Variants in ATN1 observed in about 807,000 individuals in gnomAD.
The protein encoded by ATN1 is atrophin 1.
A neutral mutation model predicts 85.8 loss-of-function variants in ATN1; 19 were observed. The ratio of observed to expected loss-of-function variants is 0.22; its 90% CI spans 0.15 to 0.32. The LOEUF is 0.32. Among genes scored for constraint, ATN1 ranks in the 10% least tolerant of loss-of-function variants. The pLI, the probability that ATN1 is intolerant of heterozygous loss-of-function variation, is 1.00. For missense variants in ATN1, 1,453 were observed against 1,564.5 expected (o/e 0.93, Z 1.20); for synonymous variants, 674 against 657.0 (o/e 1.03, Z -0.39).
At chr12:6,927,664 C>A (rs376254419), upstream of ATN1, among the ~76,000 whole-genome samples, 6 of 151,882 alleles carry the variant, frequency 4.0e-5, no homozygotes, top group African/African-American at 2.4e-5. Flanking sequence ...CTCTCTCCCC[C>A]CTCGCGGCTT....
At chr12:6,925,125 T>TGCGTGTGC (rs1555142465), upstream of ATN1, among the ~76,000 whole-genome samples, 300 of 146,284 alleles carry the variant, frequency 2.1e-3, 2 homozygotes, top group African/African-American at 7.9e-3. Flanking sequence ...TGCGTGTGTG[T>TGCGTGTGC]GTGTGTGTGT....
rs1945599919 is a variant in ATN1, at chr12:6,939,165, G to T, written c.3202G>T (p.Ala1068Ser). The T allele has an allele frequency of 6.3e-7, 1 of 1,597,878 alleles. No homozygotes were observed. The highest frequency in any genetic ancestry group is 8.5e-7 in the Non-Finnish European group (1 of 1,178,628). Reference protein sequence around the residue: ...HSHLHLHQQDAIHAASASVHP... With the variant: ...HSHLHLHQQDSIHAASASVHP... ...GCACCTGCACCTGCACCAGCAAGAT[G>T]CTATCCATGCAGGTGAGACCCCTCC... Residue 1068 changes from alanine (A) to serine (S), a missense_variant, in exon 7 of 10, where the codon GCT (alanine) becomes TCT (serine). This residue lies in a region of ATN1 where 118 missense variants were observed against 163.7 expected (regional missense o/e 0.72). Coordinates refer to ENST00000396684, the MANE Select transcript of ATN1 (RefSeq NM_001940.4).
At position 6,938,719 on chromosome 12, in the gene ATN1, A is replaced by G. The variant is rs782748639; in HGVS notation, c.2756A>G (p.Asn919Ser). Residue 919 changes from asparagine (N) to serine (S), a missense_variant, in exon 7 of 10, where the codon AAT becomes AGT. Asn to Ser is a conservative substitution (Grantham distance 46). Coordinates refer to ENST00000396684, the MANE Select transcript of ATN1 (RefSeq NM_001940.4). ...GAVDPGLLGY[N>S]VPALYSSDPA... ...GTGGACCCGGGGCTCCTGGGTTACA[A>G]TGTCCCGGCCCTGTACAGCAGTGAT... The G allele has an allele frequency of 8.1e-6, 13 of 1,613,900 alleles. No individual in the cohort carries two copies. The highest frequency in any genetic ancestry group is 5.5e-5 in the South Asian group (5 of 91,088).
In ATN1 at chr12:6,941,304, G is replaced by A. The variant is rs1403622461; in HGVS notation, c.3359-70G>A. On this transcript the variant is annotated intron_variant, in intron 8 of 9. Transcript: ENST00000396684. The surrounding 1 kb of genome is among the most constrained non-coding windows in gnomAD (Gnocchi z 5.9). ...ATTACCTTTGTATGTAAAGGAGCTG[G>A]CTATCCCCTGGTCCAGAGCAGGTAC... 2 of 1,501,388 alleles carry A rather than the reference G, an allele frequency of 1.3e-6. No individual in the cohort carries two copies. The highest frequency in any genetic ancestry group is 1.8e-6 in the Non-Finnish European group (2 of 1,117,268). The allele number at this position is 1,501,388 out of a possible 1,614,324, so 93.0% of individuals were successfully genotyped here.
intron 1 of ATN1, among the ~76,000 whole-genome samples, chr12:6,932,669 C>T (rs1444978323): frequency 6.6e-6 from 1 of 152,184 alleles, no homozygotes; most frequent in Non-Finnish European, 1.5e-5. Context: ...GTTGTTTGCT[C>T]ACGGATATTT....
chr12:6,927,402 C>A (rs1360984350), upstream of ATN1, among the ~76,000 whole-genome samples: 7 of 151,934 alleles, frequency 4.6e-5, no homozygotes, highest in African/African-American at 1.7e-4. Context: ...CCAATCCAAT[C>A]CCATTATCCC....
Position 6,937,974 on chromosome 12 carries a change from G to T in ATN1, c.2424G>T (p.Glu808Asp). Reference sequence around the variant, plus strand: ...TGGAGAAGGTGCGGCGCGAGGCCGAGCAGCGCGCGCGCGAAGAAAAGGAGC... The same window carrying T: ...TGGAGAAGGTGCGGCGCGAGGCCGATCAGCGCGCGCGCGAAGAAAAGGAGC... Reference protein sequence around the residue: ...DLVEKVRREAEQRAREEKERE... With the variant: ...DLVEKVRREADQRAREEKERE... The change falls in exon 6 of 10, where the codon GAG becomes GAT. Residue 808 changes from glutamate (E) to aspartate (D), a missense_variant. Physicochemically the swap from Glu to Asp is conservative, Grantham distance 45. Coordinates refer to ENST00000396684, the MANE Select transcript of ATN1 (RefSeq NM_001940.4). The surrounding 1 kb of genome is among the most constrained non-coding windows in gnomAD (Gnocchi z 6.0). The T allele has an allele frequency of 6.4e-7, 1 of 1,555,722 alleles. No individual in the cohort carries two copies. The highest frequency in any genetic ancestry group is 1.4e-5 in the African/African-American group (1 of 73,234).
chr12:6,929,359 T>C (rs1296078719), intron 1 of ATN1, among the ~76,000 whole-genome samples: 1 of 152,158 alleles, frequency 6.6e-6, no homozygotes, highest in Non-Finnish European at 1.5e-5. Flanking sequence ...TCTCCCTTTG[T>C]GCATGGGCTT....
Position 6,936,507 on chromosome 12 carries a change from C to T in ATN1, c.1240C>T (p.Pro414Ser). 1 of 1,580,750 alleles carries T rather than the reference C, an allele frequency of 6.3e-7. No homozygotes were observed. Among genetic ancestry groups the T allele is most frequent in the Non-Finnish European group, 8.6e-7 (1 of 1,162,696 alleles). The part of the protein sequence containing the change: ...ALPSYPHSFP[P>S]PTSLSVSNQP... ...GCCCAGCTACCCCCACTCTTTCCCT[C>T]CCCCAACAAGCCTCTCTGTCTCCAA... Residue 414 changes from proline (P) to serine (S), a missense_variant, in exon 5 of 10, where the codon CCC becomes TCC. By Grantham distance (74) the Pro-to-Ser change is moderately conservative. Around this residue, in one of 6 missense-constraint regions of ATN1, gnomAD observed 990 missense variants for 914.8 expected, o/e 1.08. Coordinates refer to ENST00000396684, the MANE Select transcript of ATN1 (RefSeq NM_001940.4).
rs782097731 is a variant in ATN1, at chr12:6,938,961, C to G, written c.2998C>G (p.Arg1000Gly). 2.5e-6 allele frequency: 4 copies of G among 1,613,728 alleles called. No homozygotes were observed. In the Admixed American group the frequency reaches 5.0e-5, roughly 20 times the overall value. The change falls in exon 7 of 10, where the codon CGA (arginine) becomes GGA (glycine). Residue 1000 changes from arginine (R) to glycine (G), a missense_variant. Around this residue, in one of 6 missense-constraint regions of ATN1, gnomAD observed 208 missense variants for 263.4 expected, o/e 0.79. Coordinates refer to ENST00000396684, the MANE Select transcript of ATN1 (RefSeq NM_001940.4). The stretch of plus-strand genomic sequence containing the variant: ...TCATCCGAGCCTGGGGCCCCTGGAG[C>G]GAGAACGTCTAGCGCTGGCAGCTGG... Reference protein sequence around the residue: ...PFHPSLGPLERERLALAAGPA... With the variant: ...PFHPSLGPLEGERLALAAGPA...
chr12:6,938,258 T>C (rs1945580675), intron 6 of ATN1, among the ~76,000 whole-genome samples, 191 bp downstream of exon 6: 2 of 152,320 alleles, frequency 1.3e-5, no homozygotes, highest in African/African-American at 4.8e-5. Context: ...GAGAGCCATC[T>C]GCATTCCTGG....
At position 6,937,183 on chromosome 12, in the gene ATN1, A is replaced by G; in HGVS notation, c.1916A>G (p.Tyr639Cys). ...KTASPPGPPP[Y>C]GKRAPSPGAY... ...GCCTCCCCACCTGGGCCCCCACCGTACGGAAAGAGAGCCCCGTCCCCGGGG... is the reference window on the plus strand; with the variant it reads ...GCCTCCCCACCTGGGCCCCCACCGTGCGGAAAGAGAGCCCCGTCCCCGGGG... The change falls in exon 5 of 10, where the codon TAC (tyrosine) becomes TGC (cysteine). Residue 639 changes from tyrosine to cysteine, a missense_variant. Coordinates refer to ENST00000396684, the MANE Select transcript of ATN1 (RefSeq NM_001940.4). The surrounding 1 kb of genome is among the most constrained non-coding windows in gnomAD (Gnocchi z 6.0). The G allele has an allele frequency of 4.3e-6, 7 of 1,610,932 alleles. No individual in the cohort carries two copies. Among genetic ancestry groups the G allele is most frequent in the Non-Finnish European group, 5.9e-6 (7 of 1,179,520 alleles).
chr12:6,929,768 C>T (rs1040140473), intron 1 of ATN1, among the ~76,000 whole-genome samples: 5 of 152,214 alleles, frequency 3.3e-5, no homozygotes, highest in African/African-American at 7.2e-5. Flanking sequence ...AGGATGAAAA[C>T]GCTTCTGTTC....
At position 6,937,731 on chromosome 12, in the gene ATN1, C is replaced by A; in HGVS notation, c.2295-114C>A. On this transcript the variant is annotated intron_variant, in intron 5 of 9. Coordinates refer to ENST00000396684, the MANE Select transcript of ATN1 (RefSeq NM_001940.4). This position sits in a 1 kb window ranked among gnomAD's most constrained non-coding sequence, Gnocchi z 6.0. ...CAGTGAGGCCCGCAGCAGCTCACAG[C>A]CTGCAGGGGTGGTTTTGAGGCGGGG... is the stretch of plus-strand genomic sequence containing the variant. 3 of 1,451,106 alleles carry A rather than the reference C, an allele frequency of 2.1e-6. No homozygotes were observed. Among genetic ancestry groups the A allele is most frequent in the South Asian group, 2.9e-5 (2 of 68,688 alleles). 89.9% of individuals were successfully genotyped at this position (1,451,106 alleles called of 1,614,324 possible). A position where few individuals can be genotyped will look rare whatever the true frequency, so the allele number is the denominator to read the frequency against.
At position 6,938,855 on chromosome 12, in the gene ATN1, T is replaced by C. The variant is rs782774902; in HGVS notation, c.2892T>C (p.Pro964=). Reference sequence around the variant, plus strand: ...AGCTGGAACCCCTACATGGGGTCCCTGGGCCGGGCTTGGATCCCTTTCCCC... The same window carrying C: ...AGCTGGAACCCCTACATGGGGTCCCCGGGCCGGGCTTGGATCCCTTTCCCC... ...PSELEPLHGV[P]GPGLDPFPRH... Residue 964 remains proline (P), a synonymous_variant, in exon 7 of 10, where the codon CCT becomes CCC. Coordinates refer to ENST00000396684, the MANE Select transcript of ATN1 (RefSeq NM_001940.4). 55 of 1,614,010 alleles carry C rather than the reference T, an allele frequency of 3.4e-5. No homozygotes were observed. The highest frequency in any genetic ancestry group is 6.7e-5 in the Admixed American group (4 of 60,004).
rs782443835 is a variant in ATN1 at position 6,935,878 on chromosome 12, G to A, written c.611G>A (p.Arg204Gln). The A allele has an allele frequency of 7.4e-6, 12 of 1,613,702 alleles. No individual in the cohort carries two copies. Among genetic ancestry groups the A allele is most frequent in the East Asian group, 4.5e-5 (2 of 44,862 alleles). Reference protein sequence around the residue: ...YHAPMEPPTSRMFQAPPGAPP... With the variant: ...YHAPMEPPTSQMFQAPPGAPP... ...GCTCCCATGGAGCCCCCCACATCTC[G>A]AATGTTCCAGGCTCCTCCTGGGGCC... Residue 204 changes from arginine (R) to glutamine (Q), a missense_variant, in exon 5 of 10, where the codon CGA becomes CAA. By Grantham distance (43) the Arg-to-Gln change is conservative (BLOSUM62 1). Coordinates refer to ENST00000396684, the MANE Select transcript of ATN1 (RefSeq NM_001940.4). This position sits in a 1 kb window ranked among gnomAD's most constrained non-coding sequence, Gnocchi z 5.3.
chr12:6,940,157 A>T (rs1345778324), intron 7 of ATN1, among the ~76,000 whole-genome samples: 1 of 151,912 alleles, frequency 6.6e-6, no homozygotes, highest in African/African-American at 2.4e-5. Flanking sequence ...AAGTACAGCT[A>T]ATTTTTGTAT....
rs782211379 is a variant in ATN1 at position 6,936,927 on chromosome 12, A to G, written c.1660A>G (p.Ser554Gly). ...GCCAGCACACCTGCCCCCACCTCAC[A>G]GCCAGGTGTCCTACAGCCAAGCAGG... ...PGPAHLPPPH[S>G]QVSYSQAGPN... Residue 554 changes from serine to glycine, a missense_variant, in exon 5 of 10, where the codon AGC (serine) becomes GGC (glycine). Coordinates refer to ENST00000396684, the MANE Select transcript of ATN1 (RefSeq NM_001940.4). 9 of 1,613,758 alleles carry G rather than the reference A, an allele frequency of 5.6e-6. No individual in the cohort carries two copies. Among genetic ancestry groups the G allele is most frequent in the African/African-American group, 1.3e-5 (1 of 74,842 alleles).
intron 1 of ATN1, among the ~76,000 whole-genome samples, chr12:6,930,686 C>G (rs1159390091): frequency 6.6e-6 from 1 of 152,098 alleles, no homozygotes; most frequent in Non-Finnish European, 1.5e-5. Context: ...GTCCCAGCTA[C>G]TCAGGAGGCT....
Sources: allele counts gnomAD v4.1 joint callset (sites outside exome capture counted in the v4.1 genomes callset), GRCh38; gene constraint gnomAD v4.1.1; regional missense constraint gnomAD v4.1.1; non-coding constraint Gnocchi (gnomAD v3.1); transcripts MANE v1.5; gene names NCBI Gene and HGNC (gene_info 2026-07-23, HGNC 2026-07-21).